Variants in PRAG1 observed in about 807,000 individuals in gnomAD.
PRAG1 encodes the protein PEAK1 related, kinase-activating pseudokinase 1, also known as inactive tyrosine-protein kinase PRAG1.
Under a neutral mutation model 95.6 loss-of-function variants are expected in PRAG1, and 110 were observed. The ratio of observed to expected loss-of-function variants is 1.15; its 90% CI spans 0.99 to 1.35. The LOEUF is 1.35. Among genes scored for constraint, PRAG1 ranks in the 40% most tolerant of loss-of-function variants. PRAG1 has a pLI of 0.00. For synonymous variants in PRAG1, 1,052 were observed against 819.4 expected, an observed-to-expected ratio of 1.28 and a Z score of -4.85; for missense variants, 2,554 against 1,864.7, an observed-to-expected ratio of 1.37 and a Z score of -6.81.
chr8:8,371,636 G>A (rs536241934), intron 3 of PRAG1, among the ~76,000 whole-genome samples: 1 of 152,274 alleles, frequency 6.6e-6, no homozygotes, highest in East Asian at 2.0e-4. Flanking sequence ...TTGGGAGGCT[G>A]AGGCAGGTGG....
At chr8:8,348,066 G>A (rs970013942) in intron 3 of PRAG1, among the ~76,000 whole-genome samples, 1 of 152,166 alleles carries the variant, frequency 6.6e-6, no homozygotes, top group Non-Finnish European at 1.5e-5. Flanking sequence ...ACAGGTGCAT[G>A]CCACCACACC....
chr8:8,368,269 G>A (rs552507035), intron 3 of PRAG1, among the ~76,000 whole-genome samples: 1 of 152,302 alleles, frequency 6.6e-6, no homozygotes, highest in African/African-American at 2.4e-5. Context: ...AAGAACAGCT[G>A]TTTATATAAG....
intron 4 of PRAG1, among the ~76,000 whole-genome samples, chr8:8,332,701 T>C (rs1283417844): frequency 6.9e-6 from 1 of 145,024 alleles, no homozygotes; most frequent in Admixed American, 7.3e-5. Context: ...CTCTTGGGGA[T>C]ACTTTGAAAT....
intron 3 of PRAG1, among the ~76,000 whole-genome samples, chr8:8,372,791 T>C (rs1800253873): frequency 6.6e-6 from 1 of 152,224 alleles, no homozygotes; most frequent in Non-Finnish European, 1.5e-5. Context: ...ATCTATTTTT[T>C]TCCCTCCAGG....
chr8:8,319,221 C>A lies in PRAG1; in HGVS notation c.3154G>T (p.Gly1052Cys). 6.3e-7 allele frequency: 1 copy of A among 1,576,428 alleles called. No individual in the cohort carries two copies. The highest frequency in any genetic ancestry group is 8.6e-7 in the Non-Finnish European group (1 of 1,157,012). ...PVHFNIQQDC[G>C]HFVASVPSSM... ...GACGGCACCGAGGCGACGAAGTGGC[C>A]GCAGTCCTGCTGGATGTTAAAGTGC... Residue 1052 changes from glycine to cysteine, a missense_variant, in exon 6 of 6, where the codon GGC becomes TGC. Gly to Cys is a radical substitution (Grantham distance 159). Transcript: ENST00000615670.
At chr8:8,371,947 C>T (rs1415994085) in intron 3 of PRAG1, among the ~76,000 whole-genome samples, 1 of 152,224 alleles carries the variant, frequency 6.6e-6, no homozygotes, top group East Asian at 1.9e-4. Context: ...TAGGGCCAGA[C>T]CATTTAGACA....
At chr8:8,378,214 G>C (rs1800501513) in intron 2 of PRAG1, 136 bp from the exon 3 acceptor site, 1 of 996,696 alleles carries the variant, frequency 1.0e-6, no homozygotes. Context: ...CTGGGGCCGG[G>C]GACTCAGTGC....
chr8:8,342,062 C>T (rs1474508101), intron 3 of PRAG1, among the ~76,000 whole-genome samples: 16 of 151,748 alleles, frequency 1.1e-4, no homozygotes, highest in African/African-American at 3.9e-4. Flanking sequence ...ACCAAGGAGG[C>T]GGAGGTTGCA....
chr8:8,326,120 A>G (rs1798630201), intron 5 of PRAG1, among the ~76,000 whole-genome samples: 1 of 147,840 alleles, frequency 6.8e-6, no homozygotes, highest in African/African-American at 2.5e-5. Context: ...TAATAATACT[A>G]TTACTACTAC....
rs1798380019 is a variant in PRAG1 at position 8,318,931 on chromosome 8, C to T, written c.3444G>A (p.Leu1148=). 1.9e-6 allele frequency: 3 copies of T among 1,611,326 alleles called. No homozygotes were observed. The highest frequency in any genetic ancestry group is 1.1e-5 in the South Asian group (1 of 90,900). Residue 1148 remains leucine, a synonymous_variant, in exon 6 of 6, where the codon CTG becomes CTA. Transcript: ENST00000615670. This position sits in a 1 kb window ranked among gnomAD's most constrained non-coding sequence, Gnocchi z 4.2. ...EHGIIHRDLC[L]ENLLLVHCTL... ...TGCAGTGCACCAGCAGCAGGTTCTCCAGGCACAGGTCCCGGTGGATGATCC... is the reference window on the plus strand; with the variant it reads ...TGCAGTGCACCAGCAGCAGGTTCTCTAGGCACAGGTCCCGGTGGATGATCC...
chr8:8,382,739 C>G (rs1800724351), intron 1 of PRAG1, among the ~76,000 whole-genome samples: 1 of 152,182 alleles, frequency 6.6e-6, no homozygotes, highest in African/African-American at 2.4e-5. Context: ...TGAGAAGGAG[C>G]TCAAAGAGTT....
chr8:8,377,290 G>T lies in PRAG1; in HGVS notation c.1119C>A (p.Ala373=). The T allele has an allele frequency of 6.2e-7, 1 of 1,612,808 alleles. No homozygotes were observed. The highest frequency in any genetic ancestry group is 8.5e-7 in the Non-Finnish European group (1 of 1,179,942). ...SDYCSLMKEP[A]PEKQQDPGCP... ...AGCCAGGGTCCTGCTGCTTCTCTGG[G>T]GCAGGTTCCTTCATGAGGGAGCAGT... The change falls in exon 3 of 6, where the codon GCC becomes GCA. Residue 373 remains alanine (A), a synonymous_variant. Transcript: ENST00000615670.
At chr8:8,343,299 C>G (rs1799230207) in intron 3 of PRAG1, among the ~76,000 whole-genome samples, 1 of 149,944 alleles carries the variant, frequency 6.7e-6, no homozygotes, top group South Asian at 2.1e-4. Context: ...GGTAAACTCA[C>G]ACACAGGACA....
At chr8:8,355,585 G>C (rs73184337) in intron 3 of PRAG1, among the ~76,000 whole-genome samples, 5,147 of 152,192 alleles carry the variant, frequency 0.034, 108 homozygotes, top group Middle Eastern at 0.085. Context: ...CAGAAGCATA[G>C]AGCAATAAAA....
chr8:8,321,210 G>C (rs998409603), intron 5 of PRAG1, among the ~76,000 whole-genome samples: 1 of 151,914 alleles, frequency 6.6e-6, no homozygotes, highest in Non-Finnish European at 1.5e-5. Context: ...TCAGCCTCCC[G>C]AGTAGCTGGG....
intron 3 of PRAG1, among the ~76,000 whole-genome samples, chr8:8,361,709 T>C (rs1799852769): frequency 1.3e-5 from 2 of 152,206 alleles, no homozygotes; most frequent in Non-Finnish European, 2.9e-5. Flanking sequence ...AGGCTTGTCA[T>C]TAACATACAT....
At chr8:8,384,982 C>A (rs1184562370) in intron 1 of PRAG1, among the ~76,000 whole-genome samples, 1 of 152,190 alleles carries the variant, frequency 6.6e-6, no homozygotes, top group African/African-American at 2.4e-5. Flanking sequence ...CTGAAGCTGT[C>A]AGATACACTC....
chr8:8,331,440 C>T (rs532631282), intron 4 of PRAG1, among the ~76,000 whole-genome samples: 3 of 152,208 alleles, frequency 2.0e-5, no homozygotes, highest in East Asian at 3.9e-4. Flanking sequence ...TGTGAAGGCC[C>T]CTTGCAGCAC....
At chr8:8,322,698 C>T (rs769126466) in intron 5 of PRAG1, among the ~76,000 whole-genome samples, 2 of 152,178 alleles carry the variant, frequency 1.3e-5, no homozygotes, top group African/African-American at 2.4e-5. Context: ...CTGGAGGCTT[C>T]GTCTGCATGA....
Sources: allele counts gnomAD v4.1 joint callset (sites outside exome capture counted in the v4.1 genomes callset), GRCh38; gene constraint gnomAD v4.1.1; non-coding constraint Gnocchi (gnomAD v3.1); transcripts MANE v1.5; gene names NCBI Gene and HGNC (gene_info 2026-07-23, HGNC 2026-07-21).